Variants in DLG1 observed in about 807,000 individuals in gnomAD.
DLG1 encodes disks large homolog 1.
DLG1 carries 42 observed loss-of-function variants against 123.4 expected under a neutral mutation model. That is an observed-to-expected ratio of 0.34 (90% CI 0.27 to 0.44). DLG1 has a LOEUF of 0.44. Ranked by LOEUF, DLG1 falls within the 20% of genes least tolerant of loss-of-function variation. The pLI is 1.00. For synonymous variants in DLG1, 317 were observed against 356.2 expected (o/e 0.89, Z 1.24); for missense variants, 942 against 1,082.6 (o/e 0.87, Z 1.82).
At chr3:197,295,029 T>C (rs1194927587) in intron 3 of DLG1, among the ~76,000 whole-genome samples, 2 of 152,224 alleles carry the variant, frequency 1.3e-5, no homozygotes, top group African/African-American at 2.4e-5. Context: ...TGCTTTTTGC[T>C]GTTTTTCCAG....
chr3:197,279,271 A>G (rs1459618782), intron 4 of DLG1, among the ~76,000 whole-genome samples: 1 of 152,224 alleles, frequency 6.6e-6, no homozygotes, highest in Non-Finnish European at 1.5e-5. Context: ...AAATCATTAT[A>G]AATATCATCC....
At chr3:197,159,548 T>C (rs1213839380) in intron 5 of DLG1, among the ~76,000 whole-genome samples, 1 of 152,214 alleles carries the variant, frequency 6.6e-6, no homozygotes, top group East Asian at 1.9e-4. Flanking sequence ...CGCATCTAAA[T>C]GTAAAGTAGT....
At chr3:197,100,881 A>G (rs1307153612) in intron 14 of DLG1, among the ~76,000 whole-genome samples, 2 of 152,198 alleles carry the variant, frequency 1.3e-5, no homozygotes, top group Admixed American at 1.3e-4. Context: ...ATACCAGTTT[A>G]GACAAATGTC....
intron 4 of DLG1, among the ~76,000 whole-genome samples, chr3:197,227,822 G>A (rs1026541920): frequency 6.6e-6 from 1 of 152,176 alleles, no homozygotes; most frequent in Non-Finnish European, 1.5e-5. Context: ...GGAAATAGCT[G>A]GTTCTCCAAT....
At chr3:197,048,629 G>C (rs182435034) in intron 24 of DLG1, among the ~76,000 whole-genome samples, 110 of 152,302 alleles carry the variant, frequency 7.2e-4, no homozygotes, top group East Asian at 1.9e-3. Context: ...ACAGAAAATA[G>C]TGTGGACATT....
chr3:197,260,287 A>C, intron 4 of DLG1: 1 of 442,468 alleles, frequency 2.3e-6, no homozygotes, highest in Non-Finnish European at 4.5e-6. Flanking sequence ...CAGGCAATCC[A>C]TTACTCTACC....
At chr3:197,227,388 T>G (rs1353176818) in intron 4 of DLG1, among the ~76,000 whole-genome samples, 1 of 151,702 alleles carries the variant, frequency 6.6e-6, no homozygotes, top group African/African-American at 2.4e-5. Context: ...GGCAGGAGAA[T>G]AGCTTGAAAC....
chr3:197,105,382 T>C (rs1765777736), intron 13 of DLG1, among the ~76,000 whole-genome samples: 1 of 152,192 alleles, frequency 6.6e-6, no homozygotes, highest in Non-Finnish European at 1.5e-5. Context: ...ATTTTGCTTG[T>C]AGCATCCATT....
intron 5 of DLG1, among the ~76,000 whole-genome samples, chr3:197,153,084 T>C (rs1482517473): frequency 1.3e-5 from 2 of 152,192 alleles, no homozygotes; most frequent in African/African-American, 4.8e-5. Context: ...TCTACTCAAT[T>C]ATGAACAAGT....
intron 5 of DLG1, among the ~76,000 whole-genome samples, chr3:197,159,423 C>T (rs1355497305): frequency 6.6e-6 from 1 of 152,056 alleles, no homozygotes; most frequent in African/African-American, 2.4e-5. Context: ...TGGCGTTACC[C>T]CCCATTTTAA....
intron 4 of DLG1, among the ~76,000 whole-genome samples, chr3:197,215,256 C>T (rs1276068021): frequency 6.6e-6 from 1 of 152,050 alleles, no homozygotes; most frequent in Non-Finnish European, 1.5e-5. Context: ...AACAGACTCA[C>T]ATGTGGGAAT....
At chr3:197,202,544 T>C (rs1178876977) in intron 4 of DLG1, among the ~76,000 whole-genome samples, 1 of 152,196 alleles carries the variant, frequency 6.6e-6, no homozygotes, top group Non-Finnish European at 1.5e-5. Flanking sequence ...TTCCTGATTT[T>C]AGGAGAAGAA....
Position 197,130,655 on chromosome 3 carries a change from A to G in DLG1, c.1037T>C (p.Leu346Ser). Residue 346 changes from leucine to serine, a missense_variant, in exon 11 of 25, where the codon TTA becomes TCA. By Grantham distance (145) the Leu-to-Ser change is moderately radical. Coordinates refer to ENST00000667157, the MANE Select transcript of DLG1 (RefSeq NM_001366207.1). ...TGCTTCTTCATGAGTAACTTCTTCT[A>G]AACATACGTTATTCACCTAAAAAAA... ...DKLLAVNNVCLEEVTHEEAVT... is the reference protein window; with the variant it reads ...DKLLAVNNVCSEEVTHEEAVT... 6.2e-7 allele frequency: 1 copy of G among 1,603,504 alleles called. No homozygotes were observed. The highest frequency in any genetic ancestry group is 8.5e-7 in the Non-Finnish European group (1 of 1,176,558).
At chr3:197,255,331 T>C (rs1402771360) in intron 4 of DLG1, among the ~76,000 whole-genome samples, 1 of 150,220 alleles carries the variant, frequency 6.7e-6, no homozygotes, top group Non-Finnish European at 1.5e-5. Context: ...AGTCAAAACG[T>C]AGGTTGCCTT....
chr3:197,065,196 GTATC>G, intron 22 of DLG1, 76 bp downstream of exon 22: 1 of 1,332,198 alleles, frequency 7.5e-7, no homozygotes, highest in South Asian at 1.8e-5. Flanking sequence ...AATTAGTGCT[GTATC>G]TATCCTACCA....
intron 5 of DLG1, among the ~76,000 whole-genome samples, chr3:197,156,206 T>C (rs1270386522): frequency 1.3e-5 from 2 of 152,206 alleles, no homozygotes; most frequent in African/African-American, 2.4e-5. Flanking sequence ...GCAGAGGTTT[T>C]GTATATTATT....
intron 4 of DLG1, among the ~76,000 whole-genome samples, chr3:197,269,735 C>G (rs536377132): frequency 3.3e-5 from 5 of 152,246 alleles, no homozygotes; most frequent in African/African-American, 1.2e-4. Flanking sequence ...TGTTAGGAGG[C>G]TATAGCAAGA....
chr3:197,282,964 T>A, intron 3 of DLG1, 119 bp from the exon 4 acceptor site: 1 of 561,590 alleles, frequency 1.8e-6, no homozygotes, highest in East Asian at 3.0e-5. Context: ...TCAATTCCCA[T>A]CGTATAATGT....
chr3:197,134,993 G>C (rs760248671), intron 10 of DLG1, among the ~76,000 whole-genome samples: 30 of 152,276 alleles, frequency 2.0e-4, no homozygotes, highest in Middle Eastern at 3.4e-3. Flanking sequence ...ATGCCCGGAT[G>C]GTTTTTACAG....
Sources: allele counts gnomAD v4.1 joint callset (sites outside exome capture counted in the v4.1 genomes callset), GRCh38; gene constraint gnomAD v4.1.1; transcripts MANE v1.5; gene names NCBI Gene and HGNC (gene_info 2026-07-23, HGNC 2026-07-21).